GRIK4: variants seen among roughly 807,000 people sequenced by gnomAD.
GRIK4 encodes glutamate ionotropic receptor kainate type subunit 4.
Under a neutral mutation model 104.9 loss-of-function variants are expected in GRIK4, and 40 were observed. The observed-to-expected ratio is 0.38, with a 90% confidence interval of 0.30 to 0.50. The LOEUF is 0.50. Ranked by LOEUF, GRIK4 falls within the 20% of genes least tolerant of loss-of-function variation. The probability of loss-of-function intolerance (pLI) is 0.93; values close to 1 mark genes in which losing one functional copy is unlikely to be tolerated. For missense variants in GRIK4, 1,047 were observed against 1,308.1 expected (o/e 0.80, Z 3.08); for synonymous variants, 485 against 524.9 (o/e 0.92, Z 1.04).
intron 5 of GRIK4, among the ~76,000 whole-genome samples, chr11:120,815,678 T>G (rs567860131): frequency 6.6e-6 from 1 of 152,244 alleles, no homozygotes; most frequent in African/African-American, 2.4e-5. Flanking sequence ...GAGGAGGTGT[T>G]TGACAGCAGG....
chr11:120,694,899 C>T, intron 3 of GRIK4, among the ~76,000 whole-genome samples: 1 of 152,208 alleles, frequency 6.6e-6, no homozygotes, highest in East Asian at 1.9e-4. Flanking sequence ...CGTAACACTT[C>T]CCATTGGCTC....
At chr11:120,605,095 A>G (rs910243884) in intron 1 of GRIK4, among the ~76,000 whole-genome samples, 2 of 152,208 alleles carry the variant, frequency 1.3e-5, no homozygotes, top group Admixed American at 6.5e-5. Context: ...TTGACCTCCC[A>G]AAGTATTGAG....
At chr11:120,643,410 G>A (rs1023902173) in intron 1 of GRIK4, among the ~76,000 whole-genome samples, 1 of 152,160 alleles carries the variant, frequency 6.6e-6, no homozygotes, top group African/African-American at 2.4e-5. Context: ...TGTGCCTGAG[G>A]CACCGTGGGA....
intron 3 of GRIK4, among the ~76,000 whole-genome samples, chr11:120,767,590 C>CACACCAATTTATT (rs1951862318): frequency 6.6e-6 from 1 of 151,980 alleles, no homozygotes; most frequent in South Asian, 2.1e-4. Context: ...GTAGCCTGAG[C>CACACCAATTTATT]TTTTGGTGTG....
At chr11:120,933,620 G>A (rs988379084) in intron 13 of GRIK4, among the ~76,000 whole-genome samples, 2 of 152,100 alleles carry the variant, frequency 1.3e-5, no homozygotes, top group Non-Finnish European at 2.9e-5. Flanking sequence ...CCCCTCTACT[G>A]CCTTAATAGC....
chr11:120,643,519 G>A (rs561941274), intron 1 of GRIK4, among the ~76,000 whole-genome samples: 8 of 152,362 alleles, frequency 5.3e-5, no homozygotes, highest in African/African-American at 1.7e-4. Context: ...TTGGTGTACA[G>A]CCTGCTGGAC....
chr11:120,853,727 A>C (rs1954032308), intron 8 of GRIK4, among the ~76,000 whole-genome samples: 1 of 152,242 alleles, frequency 6.6e-6, no homozygotes, highest in African/African-American at 2.4e-5. Flanking sequence ...TACGGTCTTA[A>C]GGATATCTTC....
intron 13 of GRIK4, among the ~76,000 whole-genome samples, chr11:120,924,709 A>G (rs1943303651): frequency 6.6e-6 from 1 of 152,132 alleles, no homozygotes; most frequent in Admixed American, 6.5e-5. Context: ...CCAACCTTAG[A>G]CGTTGCTGTG....
chr11:120,840,539 A>G (rs1953687063), intron 8 of GRIK4, among the ~76,000 whole-genome samples: 2 of 152,178 alleles, frequency 1.3e-5, no homozygotes, highest in African/African-American at 4.8e-5. Flanking sequence ...CTTGACAGGT[A>G]AATTGACAGC....
intron 3 of GRIK4, among the ~76,000 whole-genome samples, chr11:120,705,561 T>G (rs1950616534): frequency 6.6e-6 from 1 of 152,194 alleles, no homozygotes; most frequent in Non-Finnish European, 1.5e-5. Flanking sequence ...CACTAGAATT[T>G]TGATAAGGAT....
At chr11:120,615,228 G>A (rs544984572) in intron 1 of GRIK4, among the ~76,000 whole-genome samples, 4 of 152,152 alleles carry the variant, frequency 2.6e-5, no homozygotes, top group East Asian at 3.9e-4. Flanking sequence ...GTAGGAGGCC[G>A]ATTGAGGCCC....
At chr11:120,614,233 C>A (rs1050128185) in intron 1 of GRIK4, among the ~76,000 whole-genome samples, 4 of 152,188 alleles carry the variant, frequency 2.6e-5, no homozygotes, top group Non-Finnish European at 5.9e-5. Context: ...GTCCTGGGAA[C>A]CACACAGAAA....
At chr11:120,889,373 C>G (rs560890994) in intron 11 of GRIK4, among the ~76,000 whole-genome samples, 1 of 152,058 alleles carries the variant, frequency 6.6e-6, no homozygotes, top group East Asian at 1.9e-4. Context: ...GTGTTTTCAC[C>G]TGAATGTCAC....
intron 11 of GRIK4, among the ~76,000 whole-genome samples, chr11:120,880,594 C>T (rs1386660849): frequency 6.6e-6 from 1 of 152,158 alleles, no homozygotes; most frequent in Non-Finnish European, 1.5e-5. Flanking sequence ...ACCTTCAAGC[C>T]TTTCATGGAT....
At chr11:120,642,283 A>G (rs1267194360) in intron 1 of GRIK4, among the ~76,000 whole-genome samples, 2 of 152,148 alleles carry the variant, frequency 1.3e-5, no homozygotes, top group Admixed American at 1.3e-4. Context: ...GTGAGCCATG[A>G]TCATGCCACT....
At chr11:120,900,425 A>C (rs528769327) in intron 12 of GRIK4, among the ~76,000 whole-genome samples, 1 of 152,160 alleles carries the variant, frequency 6.6e-6, no homozygotes, top group South Asian at 2.1e-4. Flanking sequence ...GGGTGCTGCT[A>C]TATGCTGGGC....
At chr11:120,599,435 GC>G (rs1471904313) in intron 1 of GRIK4, among the ~76,000 whole-genome samples, 1 of 152,176 alleles carries the variant, frequency 6.6e-6, no homozygotes, top group African/African-American at 2.4e-5. Flanking sequence ...CTCACAGCAT[GC>G]CCTGGTTTCT....
intron 8 of GRIK4, among the ~76,000 whole-genome samples, chr11:120,848,743 T>C (rs992128253): frequency 1.3e-5 from 2 of 152,104 alleles, no homozygotes; most frequent in African/African-American, 4.8e-5. Context: ...GCAGGATCAC[T>C]AAAAATGAAA....
chr11:120,564,127 G>A (rs1429213702), intron 1 of GRIK4, among the ~76,000 whole-genome samples: 1 of 151,876 alleles, frequency 6.6e-6, no homozygotes, highest in Non-Finnish European at 1.5e-5. Context: ...GCGCGCAGGC[G>A]GCGGCTAGCG....
Sources: allele counts gnomAD v4.1 joint callset (sites outside exome capture counted in the v4.1 genomes callset), GRCh38; gene constraint gnomAD v4.1.1; transcripts MANE v1.5; gene names NCBI Gene and HGNC (gene_info 2026-07-23, HGNC 2026-07-21).